The following TSHZ2 variants were observed in gnomAD, a reference collection of about 807,000 sequenced individuals.
The protein encoded by TSHZ2 is teashirt zinc finger homeobox 2.
Under a neutral mutation model 74.4 loss-of-function variants are expected in TSHZ2, and 21 were observed. The ratio of observed to expected loss-of-function variants is 0.28; its 90% CI spans 0.20 to 0.41. TSHZ2 has a LOEUF of 0.41. Ranked by LOEUF, TSHZ2 falls within the 10% of genes least tolerant of loss-of-function variation. The probability of loss-of-function intolerance (pLI) is 1.00; values close to 1 mark genes in which losing one functional copy is unlikely to be tolerated. For missense variants in TSHZ2, 1,244 were observed against 1,293.5 expected, an observed-to-expected ratio of 0.96 and a Z score of 0.59; for synonymous variants, 540 against 515.3, an observed-to-expected ratio of 1.05 and a Z score of -0.65.
At chr20:53,436,668 C>A (rs1228764527) in intron 2 of TSHZ2, among the ~76,000 whole-genome samples, 1 of 151,268 alleles carries the variant, frequency 6.6e-6, no homozygotes, top group Non-Finnish European at 1.5e-5. Flanking sequence ...GCCTCAGCCT[C>A]CCCAGTAGCT....
intron 2 of TSHZ2, among the ~76,000 whole-genome samples, chr20:53,327,361 T>G (rs1600812376): frequency 6.6e-6 from 1 of 152,100 alleles, no homozygotes; most frequent in Non-Finnish European, 1.5e-5. Context: ...TGGTGGCGGG[T>G]GCCTGTAGTC....
chr20:53,177,481 A>C (rs1486806368), intron 1 of TSHZ2, among the ~76,000 whole-genome samples: 1 of 152,186 alleles, frequency 6.6e-6, no homozygotes, highest in Non-Finnish European at 1.5e-5. Context: ...ACTGGTGCAC[A>C]TACGGCTGGT....
At chr20:53,181,187 C>T (rs1988459158) in intron 1 of TSHZ2, among the ~76,000 whole-genome samples, 1 of 152,194 alleles carries the variant, frequency 6.6e-6, no homozygotes, top group African/African-American at 2.4e-5. Context: ...CTCTACATCC[C>T]TTTTTCTCTT....
intron 1 of TSHZ2, among the ~76,000 whole-genome samples, chr20:53,163,358 C>CTTT (rs1987987628): frequency 1.6e-5 from 1 of 63,106 alleles, no homozygotes; most frequent in Non-Finnish European, 3.0e-5. Flanking sequence ...CGCTCTCTGT[C>CTTT]TCTTTTTTTT....
chr20:53,201,532 T>C (rs1006304441), intron 1 of TSHZ2, among the ~76,000 whole-genome samples: 2 of 152,156 alleles, frequency 1.3e-5, no homozygotes, highest in Non-Finnish European at 2.9e-5. Context: ...ACCTGGAAAA[T>C]CCAGGATAAT....
At chr20:53,483,806 C>A (rs1986221375) in intron 2 of TSHZ2, among the ~76,000 whole-genome samples, 1 of 152,162 alleles carries the variant, frequency 6.6e-6, no homozygotes, top group Admixed American at 6.5e-5. Context: ...TTTCTCCTTA[C>A]TTTCATTCCC....
intron 2 of TSHZ2, among the ~76,000 whole-genome samples, chr20:53,434,789 C>CT (rs1251538549): frequency 6.6e-6 from 1 of 152,200 alleles, no homozygotes; most frequent in African/African-American, 2.4e-5. Flanking sequence ...GTCCTGTGAC[C>CT]ATCTGCCTGG....
chr20:53,404,345 C>A (rs1242240383), intron 2 of TSHZ2, among the ~76,000 whole-genome samples: 1 of 152,214 alleles, frequency 6.6e-6, no homozygotes, highest in East Asian at 1.9e-4. Context: ...ATTTAAAAAG[C>A]CCATCATAAC....
At chr20:53,050,997 A>G (rs1290420484) in intron 1 of TSHZ2, among the ~76,000 whole-genome samples, 1 of 152,332 alleles carries the variant, frequency 6.6e-6, no homozygotes, top group East Asian at 1.9e-4. Context: ...CAGATCTCCA[A>G]GTGGGAACTA....
chr20:53,278,262 C>G (rs1990984741), intron 2 of TSHZ2, among the ~76,000 whole-genome samples: 1 of 152,242 alleles, frequency 6.6e-6, no homozygotes, highest in Non-Finnish European at 1.5e-5. Context: ...AAGCCATCTT[C>G]TCACTTTCCT....
chr20:53,408,008 T>C (rs1194088586), intron 2 of TSHZ2, among the ~76,000 whole-genome samples: 3 of 152,204 alleles, frequency 2.0e-5, no homozygotes, highest in Non-Finnish European at 4.4e-5. Flanking sequence ...GGCCTGTGGG[T>C]CACAGTTTGC....
chr20:53,055,054 A>G (rs573780573), intron 1 of TSHZ2, among the ~76,000 whole-genome samples: 18 of 152,298 alleles, frequency 1.2e-4, no homozygotes, highest in African/African-American at 4.1e-4. Flanking sequence ...AACAACACTA[A>G]TCTGAAGGCT....
chr20:53,228,035 TTTTG>T (rs1404679266), intron 1 of TSHZ2, among the ~76,000 whole-genome samples: 1 of 150,630 alleles, frequency 6.6e-6, no homozygotes, highest in African/African-American at 2.4e-5. Context: ...TTTTTTTTTT[TTTTG>T]ATTCTGGTTT....
At chr20:53,340,330 C>T (rs1679713865) in intron 2 of TSHZ2, among the ~76,000 whole-genome samples, 4 of 151,732 alleles carry the variant, frequency 2.6e-5, no homozygotes, top group Non-Finnish European at 4.4e-5. Flanking sequence ...TACAGGCGCC[C>T]GCCACCATGC....
chr20:52,978,436 A>C (rs1156467930), intron 1 of TSHZ2, among the ~76,000 whole-genome samples: 1 of 152,086 alleles, frequency 6.6e-6, no homozygotes, highest in Non-Finnish European at 1.5e-5. Flanking sequence ...TATCAATTTT[A>C]TTTGGGAATG....
intron 1 of TSHZ2, among the ~76,000 whole-genome samples, chr20:53,112,307 TA>T (rs1478386735): frequency 6.6e-6 from 1 of 152,106 alleles, no homozygotes; most frequent in Non-Finnish European, 1.5e-5. Flanking sequence ...ATAAAATTAT[TA>T]AGAAGTTCTT....
chr20:53,069,618 G>A (rs1163698991), intron 1 of TSHZ2, among the ~76,000 whole-genome samples: 1 of 150,204 alleles, frequency 6.7e-6, no homozygotes, highest in Non-Finnish European at 1.5e-5. Context: ...GGAAACATTA[G>A]GAGGTGTTCC....
intron 1 of TSHZ2, among the ~76,000 whole-genome samples, chr20:53,096,057 G>A (rs1986033593): frequency 6.6e-6 from 1 of 152,172 alleles, no homozygotes; most frequent in Admixed American, 6.5e-5. Flanking sequence ...AGCAATTGTA[G>A]TCTAGGGTTT....
At chr20:53,469,046 TATATA>T (rs1568931526) in intron 2 of TSHZ2, among the ~76,000 whole-genome samples, 5 of 42,320 alleles carry the variant, frequency 1.2e-4, no homozygotes, top group African/African-American at 2.8e-4. Flanking sequence ...ATCGATATTT[TATATA>T]TATATATATA....
Sources: allele counts gnomAD v4.1 joint callset (sites outside exome capture counted in the v4.1 genomes callset), GRCh38; gene constraint gnomAD v4.1.1; transcripts MANE v1.5; gene names NCBI Gene and HGNC (gene_info 2026-07-23, HGNC 2026-07-21).